The following SPATA6 variants were observed in gnomAD, a reference collection of about 807,000 sequenced individuals.
SPATA6 encodes spermatogenesis-associated protein 6.
SPATA6 carries 56 observed loss-of-function variants against 65.3 expected under a neutral mutation model. The ratio of observed to expected loss-of-function variants is 0.86; its 90% CI spans 0.69 to 1.07. SPATA6 has a LOEUF of 1.07. Among genes scored for constraint, SPATA6 ranks in the 50% least tolerant of loss-of-function variants. The pLI is 0.00. For missense variants in SPATA6, 590 were observed against 594.8 expected (o/e 0.99, Z 0.08); for synonymous variants, 199 against 213.2 (o/e 0.93, Z 0.58).
At chr1:48,279,662 G>A in the SPATA6 span, among the ~76,000 whole-genome samples, 1 of 152,116 alleles carries the variant, frequency 6.6e-6, no homozygotes. Context: ...CCCAATACAG[G>A]AGCATGCAGA....
intron 9 of SPATA6, among the ~76,000 whole-genome samples, chr1:48,379,660 T>C (rs907833543): frequency 3.3e-5 from 5 of 152,194 alleles, no homozygotes; most frequent in African/African-American, 9.7e-5. Flanking sequence ...TAATACCTTA[T>C]ATGGTAGTAT....
At chr1:48,264,794 A>T in the SPATA6 span, among the ~76,000 whole-genome samples, 1 of 152,194 alleles carries the variant, frequency 6.6e-6, no homozygotes, top group Non-Finnish European at 1.5e-5. Flanking sequence ...TGGTTCCAAG[A>T]CTTTGCTCCT....
the SPATA6 span, among the ~76,000 whole-genome samples, chr1:48,282,162 ACAC>A: frequency 6.6e-6 from 1 of 152,242 alleles, no homozygotes. Flanking sequence ...TCTCTTCCTT[ACAC>A]CTTTTACAAA....
At chr1:48,277,099 C>CTT in the SPATA6 span, among the ~76,000 whole-genome samples, 1,894 of 126,408 alleles carry the variant, frequency 0.015, 43 homozygotes, top group African/African-American at 0.051. Flanking sequence ...TTGTTTTTTG[C>CTT]TTTTTTTTTT....
At chr1:48,305,137 C>T (rs1645030313) in intron 12 of SPATA6, among the ~76,000 whole-genome samples, 1 of 152,144 alleles carries the variant, frequency 6.6e-6, no homozygotes, top group Non-Finnish European at 1.5e-5. Flanking sequence ...GAGTAAAGAT[C>T]AGAGATTTGA....
intron 12 of SPATA6, 86 bp from the exon 13 acceptor site, chr1:48,298,979 T>G: frequency 7.7e-7 from 1 of 1,292,602 alleles, no homozygotes; most frequent in Non-Finnish European, 1.1e-6. Context: ...TATTGAGTAC[T>G]CTATGGCTAT....
the SPATA6 span, chr1:48,262,820 A>G: frequency 6.6e-6 from 1 of 152,188 alleles, no homozygotes. Context: ...ACTGCTTTTT[A>G]AAATCACAAA....
chr1:48,338,750 G>A (rs545155266), intron 11 of SPATA6, among the ~76,000 whole-genome samples: 1 of 152,190 alleles, frequency 6.6e-6, no homozygotes, highest in Admixed American at 6.6e-5. Context: ...CTCAAGCTGT[G>A]CCAGGTTGGG....
the SPATA6 span, among the ~76,000 whole-genome samples, chr1:48,268,041 G>A: frequency 2.4e-4 from 37 of 151,938 alleles, no homozygotes; most frequent in Admixed American, 3.9e-4. Flanking sequence ...ATGAGCCACC[G>A]CGCCCGGCCA....
chr1:48,352,903 C>CAAAAAAAA (rs35929341), intron 11 of SPATA6, among the ~76,000 whole-genome samples: 1 of 133,344 alleles, frequency 7.5e-6, no homozygotes. Context: ...CTTTTAAATA[C>CAAAAAAAA]AAAAAAAAAA....
rs142505009 is a variant in SPATA6 at position 48,461,886 on chromosome 1, C to T, written c.52-8755G>A. Among the ~76,000 whole-genome samples the T allele has an allele frequency of 6.3e-3, 955 of 152,292 alleles. 9 individuals carry two copies. The highest frequency in any genetic ancestry group is 0.02 in the African/African-American group (835 of 41,546). ...TATAAACCATGCTGCTGTAAAGACA[C>T]ATGCACACGTATGTTTATTGCGGCA... On this transcript the variant is annotated intron_variant, in intron 1 of 12. Coordinates refer to ENST00000371847, the MANE Select transcript of SPATA6 (RefSeq NM_019073.4).
chr1:48,439,156 G>A (rs1655221002), intron 3 of SPATA6, among the ~76,000 whole-genome samples: 1 of 152,030 alleles, frequency 6.6e-6, no homozygotes, highest in Non-Finnish European at 1.5e-5. Context: ...GACTCTAACA[G>A]GTTTTTGAGA....
intron 3 of SPATA6, among the ~76,000 whole-genome samples, chr1:48,439,615 C>T (rs139610014): frequency 1.4e-4 from 22 of 152,314 alleles, no homozygotes; most frequent in East Asian, 5.8e-4. Flanking sequence ...GTCCAGGGAC[C>T]GTTGTAGGTT....
the SPATA6 span, among the ~76,000 whole-genome samples, chr1:48,268,284 G>A: frequency 6.7e-6 from 1 of 149,872 alleles, no homozygotes; most frequent in Non-Finnish European, 1.5e-5. Flanking sequence ...CTTGAGATGG[G>A]TCTACTTAAA....
chr1:48,334,641 G>C (rs979736264), intron 11 of SPATA6, among the ~76,000 whole-genome samples: 2 of 152,026 alleles, frequency 1.3e-5, no homozygotes, highest in African/African-American at 4.8e-5. Flanking sequence ...GTTCAAAACA[G>C]TAAGAGCCAT....
At chr1:48,450,907 T>C (rs935266005) in intron 3 of SPATA6, among the ~76,000 whole-genome samples, 1 of 152,206 alleles carries the variant, frequency 6.6e-6, no homozygotes, top group African/African-American at 2.4e-5. Flanking sequence ...GATCAATCTG[T>C]TGATCCCAGA....
At chr1:48,434,021 T>G (rs980731834) in intron 3 of SPATA6, among the ~76,000 whole-genome samples, 1 of 151,920 alleles carries the variant, frequency 6.6e-6, no homozygotes, top group African/African-American at 2.4e-5. Flanking sequence ...ATCCAAGTGG[T>G]GGAAAAAGGA....
At chr1:48,280,118 T>C in the SPATA6 span, among the ~76,000 whole-genome samples, 1 of 152,140 alleles carries the variant, frequency 6.6e-6, no homozygotes, top group Non-Finnish European at 1.5e-5. Context: ...GAAATAAAGA[T>C]GTTCTTTGAA....
rs1180155852 is a variant in SPATA6 at position 48,297,142 on chromosome 1, GTGTGTGTGTGTGTGTGTGTGTA to G, written c.*1549_*1570del. ...CTCTAAGAGGTGTGTGTGTGTGTGT[GTGTGTGTGTGTGTGTGTGTGTA>G]TGTGTGTAGCAAACAGATTTTCCTA... On this transcript the variant is annotated 3_prime_UTR_variant, in exon 13 of 13. Transcript: ENST00000371847. 89 of 151,492 alleles carry G rather than the reference GTGTGTGTGTGTGTGTGTGTGTA, an allele frequency of 5.9e-4. No individual in the cohort carries two copies. The highest frequency in any genetic ancestry group is 2.0e-3 in the African/African-American group (80 of 40,912). 9.4% of individuals were successfully genotyped at this position (151,492 alleles called of 1,614,324 possible). A position where few individuals can be genotyped will look rare whatever the true frequency, so the allele number is the denominator to read the frequency against.
Sources: gnomAD v4.1 joint callset for allele counts (sites outside exome capture counted in the v4.1 genomes callset) on GRCh38, gnomAD v4.1.1 for gene constraint, MANE v1.5 for transcripts, NCBI Gene and HGNC (gene_info 2026-07-23, HGNC 2026-07-21) for gene names.